The following KANK4 variants were observed in gnomAD, a reference collection of about 807,000 sequenced individuals.
KANK4 encodes KN motif and ankyrin repeat domains 4, also known as KN motif and ankyrin repeat domain-containing protein 4.
In KANK4, 50 loss-of-function variants were observed where a neutral mutation model predicts 80.8. That is an observed-to-expected ratio of 0.62 (90% CI 0.49 to 0.78). The LOEUF (loss-of-function observed/expected upper bound fraction) is 0.78, where lower values mean the gene tolerates loss of function less well. KANK4 is among the 30% of genes least tolerant of loss of function. KANK4 has a pLI of 0.00. For synonymous variants in KANK4, 465 were observed against 506.9 expected, an observed-to-expected ratio of 0.92 and a Z score of 1.11; for missense variants, 1,196 against 1,240.1, an observed-to-expected ratio of 0.96 and a Z score of 0.53.
chr1:62,294,065 T>C (rs889493679), intron 1 of KANK4, among the ~76,000 whole-genome samples: 2 of 152,258 alleles, frequency 1.3e-5, no homozygotes, highest in African/African-American at 4.8e-5. Flanking sequence ...CTGCTTCTAC[T>C]CTATTAATTT....
At chr1:62,290,609 G>A (rs1413360462) in intron 1 of KANK4, among the ~76,000 whole-genome samples, 1 of 152,164 alleles carries the variant, frequency 6.6e-6, no homozygotes, top group Non-Finnish European at 1.5e-5. Context: ...AGCAAGGAAA[G>A]GGCAAGGATC....
chr1:62,238,550 G>A (rs1297222743), intron 9 of KANK4, among the ~76,000 whole-genome samples, 169 bp from the exon 10 acceptor site: 1 of 152,026 alleles, frequency 6.6e-6, no homozygotes, highest in Admixed American at 6.6e-5. Context: ...CCAGAAATGC[G>A]GTCCCTTCCA....
At chr1:62,238,493 G>A (rs1671261242) in intron 9 of KANK4, 112 bp from the exon 10 acceptor site, 1 of 789,692 alleles carries the variant, frequency 1.3e-6, no homozygotes, top group African/African-American at 1.7e-5. Flanking sequence ...TGTCTATTAA[G>A]GCTTCCAGAG....
intron 8 of KANK4, among the ~76,000 whole-genome samples, chr1:62,248,324 A>C (rs966757164): frequency 6.6e-6 from 1 of 152,130 alleles, no homozygotes; most frequent in Non-Finnish European, 1.5e-5. Flanking sequence ...ACTGTTTCCT[A>C]ATGCATGATT....
chr1:62,268,256 C>A (rs1410839914), intron 5 of KANK4, 31 bp downstream of exon 5: 2 of 1,573,176 alleles, frequency 1.3e-6, no homozygotes, highest in Middle Eastern at 2.1e-4. Flanking sequence ...TTCAGAGGAA[C>A]AAGTGCCCGC....
At chr1:62,317,314 T>G (rs1455465205) in intron 1 of KANK4, among the ~76,000 whole-genome samples, 1 of 152,186 alleles carries the variant, frequency 6.6e-6, no homozygotes, top group African/African-American at 2.4e-5. Flanking sequence ...CACTGTGAGC[T>G]GAATGGACAT....
chr1:62,277,155 G>A (rs1455458989), intron 2 of KANK4, among the ~76,000 whole-genome samples: 8 of 152,200 alleles, frequency 5.3e-5, no homozygotes, highest in Non-Finnish European at 1.2e-4. Context: ...CACATACAAT[G>A]CAGTGAGATA....
At chr1:62,266,953 G>T in intron 5 of KANK4, 134 bp from the exon 6 acceptor site, 1 of 594,028 alleles carries the variant, frequency 1.7e-6, no homozygotes, top group Non-Finnish European at 3.0e-6. Flanking sequence ...AGGAGAGGGT[G>T]AGCTTCAAAA....
chr1:62,313,313 T>C (rs1186544259), intron 1 of KANK4, among the ~76,000 whole-genome samples: 1 of 152,242 alleles, frequency 6.6e-6, no homozygotes, highest in Non-Finnish European at 1.5e-5. Flanking sequence ...CTGCATTTTA[T>C]GGCTTCTCAG....
intron 1 of KANK4, among the ~76,000 whole-genome samples, chr1:62,289,686 A>G (rs1672641044): frequency 6.6e-6 from 1 of 152,246 alleles, no homozygotes; most frequent in African/African-American, 2.4e-5. Flanking sequence ...TTGGTGGTCT[A>G]GGAATCATAA....
At chr1:62,300,234 G>A (rs1217601419) in intron 1 of KANK4, among the ~76,000 whole-genome samples, 1 of 152,146 alleles carries the variant, frequency 6.6e-6, no homozygotes, top group Admixed American at 6.5e-5. Flanking sequence ...AAGTTCAATA[G>A]CCCAGTAACT....
chr1:62,263,399 GTCCCTGCAGCTCCC>G, intron 6 of KANK4, 88 bp from the exon 7 acceptor site: 1 of 1,055,244 alleles, frequency 9.5e-7, no homozygotes, highest in Non-Finnish European at 1.4e-6. Context: ...TTTGGCCTCT[GTCCCTGCAGCTCCC>G]TCCAGCTTGC....
intron 1 of KANK4, among the ~76,000 whole-genome samples, chr1:62,300,338 A>T (rs1456879161): frequency 6.6e-6 from 1 of 152,146 alleles, no homozygotes; most frequent in East Asian, 1.9e-4. Context: ...TTCTTCAGGC[A>T]CTGGGCTAGG....
intron 1 of KANK4, among the ~76,000 whole-genome samples, chr1:62,292,335 G>A (rs920246843): frequency 6.6e-6 from 1 of 152,146 alleles, no homozygotes; most frequent in African/African-American, 2.4e-5. Context: ...CTAGAAACAC[G>A]TGAACACGCA....
chr1:62,259,435 C>T (rs1671826603), intron 7 of KANK4, among the ~76,000 whole-genome samples: 1 of 152,150 alleles, frequency 6.6e-6, no homozygotes, highest in Admixed American at 6.5e-5. Context: ...TGCCATCACG[C>T]CTGGCTAATC....
intron 2 of KANK4, among the ~76,000 whole-genome samples, chr1:62,281,193 C>T (rs1216242220): frequency 2.0e-5 from 3 of 152,170 alleles, no homozygotes; most frequent in African/African-American, 7.2e-5. Context: ...GAATAATGGC[C>T]CTGCTAACAC....
chr1:62,242,993 C>T (rs1671379934), intron 9 of KANK4, among the ~76,000 whole-genome samples: 1 of 152,164 alleles, frequency 6.6e-6, no homozygotes, highest in African/African-American at 2.4e-5. Flanking sequence ...TCAACCCTGA[C>T]CCAGGTGGGC....
rs1282460132 is a variant in KANK4 at position 62,274,692 on chromosome 1, T to C, written c.412A>G (p.Arg138Gly). The C allele has an allele frequency of 6.8e-6, 11 of 1,614,066 alleles. No individual in the cohort carries two copies. Among genetic ancestry groups the C allele is most frequent in the Non-Finnish European group, 9.3e-6 (11 of 1,180,034 alleles). Residue 138 changes from arginine to glycine, a missense_variant, in exon 3 of 10, where the codon AGA becomes GGA. Physicochemically the swap from Arg to Gly is moderately radical, Grantham distance 125 (BLOSUM62 -2). This residue lies in a region of KANK4 where 1,154 missense variants were observed against 1,179.6 expected (regional missense o/e 0.98). Transcript: ENST00000371153. Reference protein sequence around the residue: ...HRKALLAEATRQLEAAEPEDA... With the variant: ...HRKALLAEATGQLEAAEPEDA... ...TCTGGCTCAGCAGCTTCCAACTGTCTGGTGGCCTCTGCCAACAGAGCCTTC... is the reference window on the plus strand; with the variant it reads ...TCTGGCTCAGCAGCTTCCAACTGTCCGGTGGCCTCTGCCAACAGAGCCTTC...
At chr1:62,278,574 T>C (rs928082235) in intron 2 of KANK4, among the ~76,000 whole-genome samples, 11 of 151,610 alleles carry the variant, frequency 7.3e-5, no homozygotes, top group Non-Finnish European at 1.3e-4. Flanking sequence ...TTTGTATTTT[T>C]AGTAGAAAGG....
Sources: allele counts gnomAD v4.1 joint callset (sites outside exome capture counted in the v4.1 genomes callset), GRCh38; gene constraint gnomAD v4.1.1; regional missense constraint gnomAD v4.1.1; transcripts MANE v1.5; gene names NCBI Gene and HGNC (gene_info 2026-07-23, HGNC 2026-07-21).